The following ZNF121 variants were observed in gnomAD, a reference collection of about 807,000 sequenced individuals.
The protein encoded by ZNF121 is zinc finger protein 121, also known as zinc finger protein 121 (clone ZHC32).
ZNF121 carries 1 observed loss-of-function variant against 2.4 expected under a neutral mutation model. The ratio of observed to expected loss-of-function variants is 0.41; its 90% confidence interval spans 0.15 to 1.94. ZNF121 has a LOEUF of 1.94. ZNF121 is among the 30% of genes most tolerant of loss of function. The pLI is 0.30. For synonymous variants in ZNF121, 173 were observed against 158.6 expected (o/e 1.09, Z -0.68); for missense variants, 369 against 466.3 (o/e 0.79, Z 1.92).
At chr19:9,572,666 T>C (rs1419439165) in intron 1 of ZNF121, among the ~76,000 whole-genome samples, 1 of 152,150 alleles carries the variant, frequency 6.6e-6, no homozygotes, top group African/African-American at 2.4e-5. Flanking sequence ...ACTCCCTCAT[T>C]CTGAATGGGC....
chr19:9,568,126 C>CA lies in ZNF121; in HGVS notation c.-30dup, dbSNP rs199813292. 1.3e-3 allele frequency: 1,863 copies of CA among 1,454,580 alleles called. No individual in the cohort carries two copies. The highest frequency in any genetic ancestry group is 1.4e-3 in the Non-Finnish European group (1,465 of 1,082,264). 90.1% of individuals were successfully genotyped at this position (1,454,580 alleles called of 1,614,324 possible). A position where few individuals can be genotyped will look rare whatever the true frequency, so the allele number is the denominator to read the frequency against. On this transcript the variant is annotated 5_prime_UTR_variant, in exon 3 of 4. Coordinates refer to ENST00000320451, the MANE Select transcript of ZNF121 (RefSeq NM_001008727.5). ...TATGCCGTTTGATGTTTTGTTAAGCCAAAAAAAAATGTTGTTGAGGTGCTG... is the reference window on the plus strand; with the variant it reads ...TATGCCGTTTGATGTTTTGTTAAGCCAAAAAAAAAATGTTGTTGAGGTGCTG...
chr19:9,571,394 C>A (rs1036318276), intron 1 of ZNF121, among the ~76,000 whole-genome samples: 1 of 152,202 alleles, frequency 6.6e-6, no homozygotes, highest in African/African-American at 2.4e-5. Context: ...CACTCAATTA[C>A]CACACTGAAA....
chr19:9,565,382 A>AAAAAAAAAAAAT lies in ZNF121; in HGVS notation c.*557_*558insATTTTTTTTTTT, dbSNP rs2074123331. ...AAAAAAAAAAAAAAAAAAAAAAAAA[A>AAAAAAAAAAAAT]AAAAAGGCCAGGAGCAGTGGCTCAC... On this transcript the variant is annotated 3_prime_UTR_variant, in exon 4 of 4. Transcript: ENST00000320451. 1 of 143,544 alleles carries AAAAAAAAAAAAT rather than the reference A, an allele frequency of 7.0e-6. No individual in the cohort carries two copies. The highest frequency in any genetic ancestry group is 1.5e-5 in the Non-Finnish European group (1 of 67,058). The allele number at this position is 143,544 out of a possible 1,614,324, so 8.9% of individuals were successfully genotyped here.
chr19:9,573,700 A>G (rs1248660294), intron 1 of ZNF121, among the ~76,000 whole-genome samples: 6 of 152,236 alleles, frequency 3.9e-5, no homozygotes, highest in Non-Finnish European at 8.8e-5. Flanking sequence ...CAAAGCATAC[A>G]ATCTTCAGAC....
In ZNF121 at chr19:9,561,399, G is replaced by A. The variant is rs144243555; in HGVS notation, c.*4541C>T. 6 of 152,296 alleles carry A rather than the reference G, an allele frequency of 3.9e-5. No individual in the cohort carries two copies. Among genetic ancestry groups the A allele is most frequent in the African/African-American group, 1.4e-4 (6 of 41,560 alleles). 9.4% of individuals were successfully genotyped at this position (152,296 alleles called of 1,614,324 possible). A position where few individuals can be genotyped will look rare whatever the true frequency, so the allele number is the denominator to read the frequency against. On this transcript the variant is annotated 3_prime_UTR_variant, in exon 4 of 4. Coordinates refer to ENST00000320451, the MANE Select transcript of ZNF121 (RefSeq NM_001008727.5). ...AGAATACATTTTTAAAGATTCAGAA[G>A]ATAGCTTGATGGGGATCCTACTTAT...
Position 9,576,390 on chromosome 19 carries a change from A to G in ZNF121, c.-159-7308T>C, listed in dbSNP as rs182364196. The stretch of plus-strand genomic sequence containing the variant: ...TTGGTACGTTGACATATCAAAATCC[A>G]TGGTACAAAAGCACACAGAAATTTG... On this transcript the variant is annotated intron_variant, in intron 1 of 3. Transcript: ENST00000320451. Among the ~76,000 whole-genome samples the G allele has an allele frequency of 2.3e-3, 351 of 152,282 alleles. 2 individuals are homozygous for G. The highest frequency in any genetic ancestry group is 4.1e-3 in the Non-Finnish European group (280 of 68,018).
rs574858809 is a variant in ZNF121, at chr19:9,578,170, CG to C, written c.-160+6290del. On this transcript the variant is annotated intron_variant, in intron 1 of 3. Transcript: ENST00000320451. ...CCAAGAGGTGGAACTTGCAGTGAGC[CG>C]GAACTTGCAGTGAGCCCAGATCACA... Among the ~76,000 whole-genome samples the C allele has an allele frequency of 1.6e-3, 250 of 152,070 alleles. 1 individual carries two copies. The highest frequency in any genetic ancestry group is 5.7e-3 in the African/African-American group (238 of 41,492).
intron 2 of ZNF121, 103 bp from the exon 3 acceptor site, chr19:9,568,278 G>T: frequency 2.0e-6 from 1 of 509,410 alleles, no homozygotes; most frequent in Non-Finnish European, 3.4e-6. Flanking sequence ...GTCATATTCA[G>T]CACACTCAAA....
intron 3 of ZNF121, 109 bp downstream of exon 3, chr19:9,567,986 C>T: frequency 8.1e-7 from 1 of 1,230,856 alleles, no homozygotes; most frequent in Non-Finnish European, 1.1e-6. Context: ...GACATTCCTC[C>T]TGCTTGAGTA....
intron 1 of ZNF121, among the ~76,000 whole-genome samples, chr19:9,583,262 T>G (rs2074260904): frequency 7.0e-6 from 1 of 143,558 alleles, no homozygotes. Flanking sequence ...GTGGGCCCGT[T>G]TTGAAGCTCT....
rs1338096254 is a variant in ZNF121 at position 9,562,364 on chromosome 19, C to CA, written c.*3575_*3576insT. 5.4e-6 allele frequency: 1 copy of CA among 184,630 alleles called. No individual in the cohort carries two copies. The highest frequency in any genetic ancestry group is 1.2e-5 in the Non-Finnish European group (1 of 81,142). 11.4% of individuals were successfully genotyped at this position (184,630 alleles called of 1,614,324 possible). ...TATTTTTAGTAGAGACGGGGTTTCACCATGGTGGCCAGGCTGGTCTCGAAC... is the reference window on the plus strand; with the variant it reads ...TATTTTTAGTAGAGACGGGGTTTCACACATGGTGGCCAGGCTGGTCTCGAAC... On this transcript the variant is annotated 3_prime_UTR_variant, in exon 4 of 4. Coordinates refer to ENST00000320451, the MANE Select transcript of ZNF121 (RefSeq NM_001008727.5).
intron 1 of ZNF121, among the ~76,000 whole-genome samples, chr19:9,577,336 GCTA>G (rs2074217889): frequency 6.6e-6 from 1 of 152,088 alleles, no homozygotes; most frequent in Admixed American, 6.6e-5. Context: ...TGTAGTCCCT[GCTA>G]CTAAGGAGGC....
intron 1 of ZNF121, among the ~76,000 whole-genome samples, chr19:9,581,852 C>G (rs1472626977): frequency 2.0e-5 from 3 of 152,122 alleles, no homozygotes; most frequent in African/African-American, 7.2e-5. Flanking sequence ...AAGTGAAATA[C>G]TAGTATTGTG....
At chr19:9,577,204 G>T (rs2074216608) in intron 1 of ZNF121, among the ~76,000 whole-genome samples, 1 of 152,184 alleles carries the variant, frequency 6.6e-6, no homozygotes, top group Non-Finnish European at 1.5e-5. Context: ...AGCACTTTGG[G>T]AGGCTGAGGC....
In ZNF121 at chr19:9,563,174, CATA is replaced by C. The variant is rs1304288963; in HGVS notation, c.*2763_*2765del. ...AAAGTGCTACTCCAGTGAACACACA[CATA>C]ATAAGAAAGGAAAACAGCCTCACCA... On this transcript the variant is annotated 3_prime_UTR_variant, in exon 4 of 4. Coordinates refer to ENST00000320451, the MANE Select transcript of ZNF121 (RefSeq NM_001008727.5). 6.6e-6 allele frequency: 1 copy of C among 151,498 alleles called. No homozygotes were observed. Among genetic ancestry groups the C allele is most frequent in the African/African-American group, 2.4e-5 (1 of 41,192 alleles). The allele number at this position is 151,498 out of a possible 1,614,324, so 9.4% of individuals were successfully genotyped here. A position where few individuals can be genotyped will look rare whatever the true frequency, so the allele number is the denominator to read the frequency against.
intron 1 of ZNF121, among the ~76,000 whole-genome samples, chr19:9,577,407 G>C (rs1261705286): frequency 6.6e-6 from 1 of 151,746 alleles, no homozygotes; most frequent in Non-Finnish European, 1.5e-5. Flanking sequence ...CCAAGACTGA[G>C]CCATTGCACT....
In ZNF121 at chr19:9,562,050, A is replaced by G. The variant is rs1302652583; in HGVS notation, c.*3890T>C. Reference sequence around the variant, plus strand: ...TGGCAATGTCATGTCGAATAAATCTATAACACCATTTTTTCCAACAGCATG... The same window carrying G: ...TGGCAATGTCATGTCGAATAAATCTGTAACACCATTTTTTCCAACAGCATG... On this transcript the variant is annotated 3_prime_UTR_variant, in exon 4 of 4. Transcript: ENST00000320451. The G allele has an allele frequency of 3.3e-5, 5 of 152,108 alleles. No homozygotes were observed. Among genetic ancestry groups the G allele is most frequent in the Admixed American group, 6.6e-5 (1 of 15,256 alleles). 9.4% of individuals were successfully genotyped at this position (152,108 alleles called of 1,614,324 possible).
Position 9,577,214 on chromosome 19 carries a change from C to T in ZNF121, c.-160+7247G>A, listed in dbSNP as rs867326275. On this transcript the variant is annotated intron_variant, in intron 1 of 3. Transcript: ENST00000320451. Reference sequence around the variant, plus strand: ...ATTCCAGCACTTTGGGAGGCTGAGGCGGGTGGATCACCTTAAGTTAGGAGT... The same window carrying T: ...ATTCCAGCACTTTGGGAGGCTGAGGTGGGTGGATCACCTTAAGTTAGGAGT... Among the ~76,000 whole-genome samples the T allele has an allele frequency of 8.5e-5, 13 of 152,058 alleles. 1 individual carries two copies. The highest frequency in any genetic ancestry group is 3.4e-3 in the Middle Eastern group (1 of 294).
rs1352766379 is a variant in ZNF121, at chr19:9,561,175, G to A, written c.*4765C>T. ...TGGATACGTATATATAATTTTGTATGTCTTTGCCATATCCTCCATAGAGAA... is the reference window on the plus strand; with the variant it reads ...TGGATACGTATATATAATTTTGTATATCTTTGCCATATCCTCCATAGAGAA... On this transcript the variant is annotated 3_prime_UTR_variant, in exon 4 of 4. Transcript: ENST00000320451. The A allele has an allele frequency of 3.3e-5, 5 of 152,112 alleles. No homozygotes were observed. The highest frequency in any genetic ancestry group is 1.2e-4 in the African/African-American group (5 of 41,422). The allele number at this position is 152,112 out of a possible 1,614,324, so 9.4% of individuals were successfully genotyped here. A position where few individuals can be genotyped will look rare whatever the true frequency, so the allele number is the denominator to read the frequency against.
Sources: gnomAD v4.1 joint callset for allele counts (sites outside exome capture counted in the v4.1 genomes callset) on GRCh38, gnomAD v4.1.1 for gene constraint, MANE v1.5 for transcripts, NCBI Gene and HGNC (gene_info 2026-07-23, HGNC 2026-07-21) for gene names.